The following PALM variants were observed in gnomAD, a reference collection of about 807,000 sequenced individuals.
PALM encodes paralemmin-1.
In PALM, 18 loss-of-function variants were observed where a neutral mutation model predicts 30.7. The ratio of observed to expected loss-of-function variants is 0.59; its 90% CI spans 0.41 to 0.87. PALM has a LOEUF of 0.87. PALM is among the 40% of genes least tolerant of loss of function. The probability of loss-of-function intolerance (pLI) is 0.00; values close to 1 mark genes in which losing one functional copy is unlikely to be tolerated. For synonymous variants in PALM, 286 were observed against 242.8 expected (o/e 1.18, Z -1.66); for missense variants, 529 against 555.4 (o/e 0.95, Z 0.48).
At chr19:710,845 G>A (rs2032053945) in intron 1 of PALM, among the ~76,000 whole-genome samples, 1 of 152,234 alleles carries the variant, frequency 6.6e-6, no homozygotes, top group Non-Finnish European at 1.5e-5. Context: ...GCCGCCATTC[G>A]AGGACGACTC....
At chr19:710,997 C>T (rs1004546667) in intron 1 of PALM, among the ~76,000 whole-genome samples, 1 of 152,264 alleles carries the variant, frequency 6.6e-6, no homozygotes, top group African/African-American at 2.4e-5. Context: ...CGCTTGCCTC[C>T]TCCCGTTTCC....
intron 1 of PALM, chr19:719,734 C>G: frequency 1.5e-6 from 1 of 675,682 alleles, no homozygotes; most frequent in Non-Finnish European, 1.8e-6. Flanking sequence ...CCTCGCCGAT[C>G]ACACGGGAAT....
At chr19:723,170 C>A (rs1363317610) in intron 1 of PALM, among the ~76,000 whole-genome samples, 2 of 152,064 alleles carry the variant, frequency 1.3e-5, no homozygotes, top group African/African-American at 4.8e-5. Context: ...CATAGGAGGC[C>A]TTAGAGCTGC....
At chr19:717,444 C>T (rs2032303331) in intron 1 of PALM, among the ~76,000 whole-genome samples, 2 of 152,110 alleles carry the variant, frequency 1.3e-5, no homozygotes, top group South Asian at 2.1e-4. Flanking sequence ...AGCGTGATGT[C>T]CTCAAGGTGC....
At chr19:736,338 G>A (rs766586000) in intron 7 of PALM, among the ~76,000 whole-genome samples, 15 of 152,178 alleles carry the variant, frequency 9.9e-5, no homozygotes, top group Non-Finnish European at 8.8e-5. Flanking sequence ...GGCTCTAACC[G>A]ACGCGACCTC....
At chr19:724,164 C>T (rs529946201) in intron 1 of PALM, among the ~76,000 whole-genome samples, 156 of 152,172 alleles carry the variant, frequency 1.0e-3, no homozygotes, top group African/African-American at 3.6e-3. Context: ...TCGGTTCTTT[C>T]CTGGGCGAGT....
chr19:743,651 C>T (rs924623964), intron 8 of PALM, among the ~76,000 whole-genome samples: 1 of 152,326 alleles, frequency 6.6e-6, no homozygotes, highest in East Asian at 1.9e-4. Flanking sequence ...TGGGACCCCC[C>T]TTGCGTCCCT....
chr19:719,415 C>T (rs2032380384), intron 1 of PALM: 1 of 985,424 alleles, frequency 1.0e-6, no homozygotes, highest in Non-Finnish European at 1.2e-6. Flanking sequence ...GCCGCCCACA[C>T]CGCCACACGC....
At position 721,080 on chromosome 19, in the gene PALM, G is replaced by A. The variant is rs549253082; in HGVS notation, c.6-5058G>A. On this transcript the variant is annotated intron_variant, in intron 1 of 8. Coordinates refer to ENST00000338448, the MANE Select transcript of PALM (RefSeq NM_002579.3). Reference sequence around the variant, plus strand: ...ACGTGGCTTCCAGCCATGGGAAGAAGGTGCCGGGCAGGGGGAACCGTGTGT... The same window carrying A: ...ACGTGGCTTCCAGCCATGGGAAGAAAGTGCCGGGCAGGGGGAACCGTGTGT... 4.9e-3 allele frequency among the ~76,000 whole-genome samples: 742 copies of A among 152,244 alleles called. 2 individuals carry two copies. The highest frequency in any genetic ancestry group is 0.017 in the African/African-American group (709 of 41,536).
At position 736,234 on chromosome 19, in the gene PALM, A is replaced by C; in HGVS notation, c.502+156A>C. 1.6e-5 allele frequency: 9 copies of C among 558,454 alleles called. No individual in the cohort carries two copies. The South Asian group carries it at 2.2e-4, about 13-fold the overall frequency. 34.6% of individuals were successfully genotyped at this position (558,454 alleles called of 1,614,324 possible). A position where few individuals can be genotyped will look rare whatever the true frequency, so the allele number is the denominator to read the frequency against. ...GGGGGTGGCAGCTGGACCGAGGCCG[A>C]GGCTCCGAGCCTGGGGTGGGGGCCC... On this transcript the variant is annotated intron_variant, in intron 7 of 8. Coordinates refer to ENST00000338448, the MANE Select transcript of PALM (RefSeq NM_002579.3).
At chr19:729,292 C>A (rs576155184) in intron 4 of PALM, among the ~76,000 whole-genome samples, 7 of 151,708 alleles carry the variant, frequency 4.6e-5, no homozygotes, top group Admixed American at 4.6e-4. Flanking sequence ...AGCCACTGCA[C>A]TCCAGCCTGG....
intron 7 of PALM, among the ~76,000 whole-genome samples, chr19:739,292 C>T (rs1053260050): frequency 2.0e-5 from 3 of 151,728 alleles, no homozygotes; most frequent in Non-Finnish European, 4.4e-5. Context: ...CTTGGATGGT[C>T]GGGGCGGGGG....
intron 8 of PALM, among the ~76,000 whole-genome samples, chr19:745,418 G>A (rs1290131857): frequency 6.6e-6 from 1 of 152,204 alleles, no homozygotes; most frequent in African/African-American, 2.4e-5. Flanking sequence ...TACAGGCCAG[G>A]TGCGGTGGCT....
intron 5 of PALM, among the ~76,000 whole-genome samples, chr19:733,499 T>C (rs1326124201): frequency 3.3e-5 from 5 of 152,168 alleles, no homozygotes; most frequent in African/African-American, 1.2e-4. Context: ...GTGCAGGGTC[T>C]GACCATGCAG....
chr19:717,517 G>A (rs998076843), intron 1 of PALM, among the ~76,000 whole-genome samples: 5 of 152,302 alleles, frequency 3.3e-5, no homozygotes, highest in South Asian at 2.1e-4. Flanking sequence ...GTCCCAGTGC[G>A]TGGACGGCCA....
Position 740,364 on chromosome 19 carries a change from T to C in PALM, c.515T>C (p.Val172Ala), listed in dbSNP as rs942930729. ...ACTCTCGTGCCAGCCATGTACTCGGTTGAGATCACTGTGGAGAAGGACAAG... is the reference window on the plus strand; with the variant it reads ...ACTCTCGTGCCAGCCATGTACTCGGCTGAGATCACTGTGGAGAAGGACAAG... ...SPMMKAAMYS[V>A]EITVEKDKVT... The change falls in exon 8 of 9, where the codon GTT (valine) becomes GCT (alanine). Residue 172 changes from valine to alanine, a missense_variant. Transcript: ENST00000338448. 10 of 1,566,100 alleles carry C rather than the reference T, an allele frequency of 6.4e-6. No homozygotes were observed. The highest frequency in any genetic ancestry group is 7.8e-6 in the Non-Finnish European group (9 of 1,155,116).
At chr19:730,028 G>A (rs1450847653) in intron 4 of PALM, among the ~76,000 whole-genome samples, 2 of 152,216 alleles carry the variant, frequency 1.3e-5, no homozygotes. Context: ...GCTTTCAGAG[G>A]CTTCAGCTTC....
At chr19:727,233 ACCCCGACCCCGACCCCGACCCTGAC>A in intron 3 of PALM, 145 bp downstream of exon 3, 1 of 427,012 alleles carries the variant, frequency 2.3e-6, no homozygotes, top group South Asian at 3.4e-5. Flanking sequence ...CCCGACCCTG[ACCCCGACCCCGACCCCGACCCTGAC>A]CCCAACCTGA....
chr19:726,501 G>A (rs2032666210), intron 2 of PALM, among the ~76,000 whole-genome samples: 1 of 152,074 alleles, frequency 6.6e-6, no homozygotes, highest in African/African-American at 2.4e-5. Flanking sequence ...ATGTGCTTTG[G>A]TGCCATCTTG....
Sources: gnomAD v4.1 joint callset for allele counts (sites outside exome capture counted in the v4.1 genomes callset) on GRCh38, gnomAD v4.1.1 for gene constraint, MANE v1.5 for transcripts, NCBI Gene and HGNC (gene_info 2026-07-23, HGNC 2026-07-21) for gene names.